TNS1: variants seen among roughly 807,000 people sequenced by gnomAD.
TNS1 encodes tensin-1.
TNS1 carries 62 observed loss-of-function variants against 168.6 expected under a neutral mutation model. The observed-to-expected ratio is 0.37, with a 90% CI of 0.30 to 0.45. The LOEUF (loss-of-function observed/expected upper bound fraction) is 0.45. Ranked by LOEUF, TNS1 falls within the 20% of genes least tolerant of loss-of-function variation. The pLI is 1.00. For synonymous variants in TNS1, 934 were observed against 933.2 expected (o/e 1.00, Z -0.02); for missense variants, 2,240 against 2,339.4 (o/e 0.96, Z 0.88).
chr2:217,817,668 A>C (rs1354762475), intron 24 of TNS1, 22 bp downstream of exon 24: 2 of 1,556,204 alleles, frequency 1.3e-6, no homozygotes, highest in Non-Finnish European at 1.7e-6. Flanking sequence ...GAGAGGTGAA[A>C]ATGGAAGGGG....
chr2:218,031,020 GTGTA>G (rs79782203), intron 1 of TNS1, among the ~76,000 whole-genome samples: 21,117 of 149,604 alleles, frequency 0.14, 1,601 homozygotes, highest in South Asian at 0.27. Context: ...GAGTGTATGT[GTGTA>G]TGTGTGTGTA....
At chr2:217,862,648 A>T (rs1186825553) in intron 18 of TNS1, among the ~76,000 whole-genome samples, 1 of 106,930 alleles carries the variant, frequency 9.4e-6, no homozygotes, top group Non-Finnish European at 1.8e-5. Context: ...CACCCACCCG[A>T]TTTCATCTGT....
intron 1 of TNS1, among the ~76,000 whole-genome samples, chr2:218,030,364 C>G (rs957461814): frequency 4.6e-5 from 7 of 152,226 alleles, no homozygotes; most frequent in African/African-American, 1.7e-4. Flanking sequence ...CCTCTGGAAT[C>G]CTCACCCATC....
rs1360389945 is a variant in TNS1, at chr2:217,995,505, G to A, written c.34-4449C>T. Among the ~76,000 whole-genome samples the A allele has an allele frequency of 6.6e-6, 1 of 152,086 alleles. No individual in the cohort carries two copies. Among genetic ancestry groups the A allele is most frequent in the African/African-American group, 2.4e-5 (1 of 41,384 alleles). On this transcript the variant is annotated intron_variant, in intron 1 of 32. Transcript: ENST00000682258. This position sits in a 1 kb window ranked among gnomAD's most constrained non-coding sequence, Gnocchi z 4.1. The stretch of plus-strand genomic sequence containing the variant: ...GGCTAAGAAGAAAAGCGGGGTGCCT[G>A]GTACCTACCCAGCCCTCCCCCCGGG...
chr2:218,016,709 C>A (rs565027023), intron 1 of TNS1, among the ~76,000 whole-genome samples: 1 of 152,116 alleles, frequency 6.6e-6, no homozygotes, highest in Non-Finnish European at 1.5e-5. Context: ...GGGAATGGAC[C>A]CCCCCAGAAA....
intron 3 of TNS1, among the ~76,000 whole-genome samples, chr2:217,942,824 A>G (rs3791901): frequency 0.12 from 17,827 of 149,304 alleles, 2,031 homozygotes; most frequent in African/African-American, 0.31. Flanking sequence ...CACCCATCCT[A>G]TCCCCCAACC....
intron 22 of TNS1, among the ~76,000 whole-genome samples, chr2:217,824,952 T>G (rs1357097919): frequency 6.6e-6 from 1 of 152,116 alleles, no homozygotes; most frequent in Non-Finnish European, 1.5e-5. Flanking sequence ...CAGCAGGCCC[T>G]CAATCTGCAT....
chr2:217,831,259 C>T (rs1944382986), intron 22 of TNS1, among the ~76,000 whole-genome samples, 196 bp downstream of exon 22: 1 of 152,158 alleles, frequency 6.6e-6, no homozygotes, highest in Non-Finnish European at 1.5e-5. Context: ...GCAAACTCCA[C>T]AAGTCAACAG....
intron 1 of TNS1, among the ~76,000 whole-genome samples, chr2:218,008,118 C>A (rs960024418): frequency 3.3e-5 from 5 of 152,178 alleles, no homozygotes; most frequent in Non-Finnish European, 7.3e-5. Context: ...CTCACTCACA[C>A]CCCTTCCCCT....
Position 217,813,923 on chromosome 2 carries a change from C to G in TNS1, c.4730-107G>C. The G allele has an allele frequency of 7.5e-7, 1 of 1,339,196 alleles. No individual in the cohort carries two copies. The highest frequency in any genetic ancestry group is 1.5e-5 in the African/African-American group (1 of 65,900). The allele number at this position is 1,339,196 out of a possible 1,614,324, so 83.0% of individuals were successfully genotyped here. On this transcript the variant is annotated intron_variant, in intron 25 of 32. Coordinates refer to ENST00000682258, the MANE Select transcript of TNS1 (RefSeq NM_001387777.1). This position sits in a 1 kb window ranked among gnomAD's most constrained non-coding sequence, Gnocchi z 4.0. ...GACCTTCGTTCTTTCTTAGGTGAGACAAATTTTCTTTAAAGTTAAAATTTA... is the reference window on the plus strand; with the variant it reads ...GACCTTCGTTCTTTCTTAGGTGAGAGAAATTTTCTTTAAAGTTAAAATTTA...
intron 3 of TNS1, among the ~76,000 whole-genome samples, chr2:217,946,994 C>G (rs917705116): frequency 1.3e-5 from 2 of 151,012 alleles, no homozygotes; most frequent in East Asian, 1.9e-4. Context: ...CACACACACA[C>G]AGTAAAAACT....
At chr2:217,808,533 A>C (rs1432853261) in intron 31 of TNS1, 70 bp downstream of exon 31, 3 of 1,407,910 alleles carry the variant, frequency 2.1e-6, no homozygotes, top group Non-Finnish European at 2.0e-6. Context: ...ACACATGCAC[A>C]TGCATGCACC....
Position 217,955,422 on chromosome 2 carries a change from G to A in TNS1, c.186+23343C>T, listed in dbSNP as rs146004456. On this transcript the variant is annotated intron_variant, in intron 3 of 32. Coordinates refer to ENST00000682258, the MANE Select transcript of TNS1 (RefSeq NM_001387777.1). ...CATCCTGAGAAGTGGGCCCAAACAC[G>A]AGCCTTCCTCCCGCACAGTGCCCGT... Among the ~76,000 whole-genome samples the A allele has an allele frequency of 3.7e-3, 563 of 151,582 alleles. 4 individuals are homozygous for A. The highest frequency in any genetic ancestry group is 0.013 in the African/African-American group (520 of 41,280).
chr2:217,876,069 C>A (rs1365214291), intron 18 of TNS1, among the ~76,000 whole-genome samples: 1 of 152,152 alleles, frequency 6.6e-6, no homozygotes, highest in Non-Finnish European at 1.5e-5. Flanking sequence ...AACCCCTGTT[C>A]CCATCCTCTC....
At chr2:217,940,055 C>T (rs976809892) in intron 3 of TNS1, among the ~76,000 whole-genome samples, 9 of 152,236 alleles carry the variant, frequency 5.9e-5, no homozygotes, top group African/African-American at 2.2e-4. Context: ...GCAAAGCCTG[C>T]CAGGCTGGCC....
intron 2 of TNS1, among the ~76,000 whole-genome samples, chr2:217,981,510 G>A (rs1958047701): frequency 6.6e-6 from 1 of 152,232 alleles, no homozygotes; most frequent in Non-Finnish European, 1.5e-5. Flanking sequence ...CTGGAATGCA[G>A]AAAGCTTGTC....
At chr2:218,013,616 C>T (rs187332860), upstream of TNS1, among the ~76,000 whole-genome samples, 1,280 of 151,330 alleles carry the variant, frequency 8.5e-3, 17 homozygotes, top group African/African-American at 0.029. Context: ...GACTGCTTGT[C>T]CCCCTGCTCA....
intron 3 of TNS1, among the ~76,000 whole-genome samples, chr2:217,945,867 G>A (rs1957092347): frequency 6.6e-6 from 1 of 152,104 alleles, no homozygotes; most frequent in Non-Finnish European, 1.5e-5. Context: ...CTTAGATGAG[G>A]GAAGTTAGGG....
intron 1 of TNS1, among the ~76,000 whole-genome samples, chr2:217,997,907 T>G (rs1484589949): frequency 1.3e-5 from 2 of 152,248 alleles, no homozygotes; most frequent in African/African-American, 4.8e-5. Context: ...CTAGCACAAG[T>G]CTGAAGAATC....
Sources: allele counts gnomAD v4.1 joint callset (sites outside exome capture counted in the v4.1 genomes callset), GRCh38; gene constraint gnomAD v4.1.1; non-coding constraint Gnocchi (gnomAD v3.1); transcripts MANE v1.5; gene names NCBI Gene and HGNC (gene_info 2026-07-23, HGNC 2026-07-21).